The following SYN3 variants were observed in gnomAD, a reference collection of about 807,000 sequenced individuals.
SYN3 encodes synapsin III.
SYN3 carries 35 observed loss-of-function variants against 65.8 expected under a neutral mutation model. The ratio of observed to expected loss-of-function variants is 0.53; its 90% CI spans 0.41 to 0.70. The LOEUF is 0.70. Among genes scored for constraint, SYN3 ranks in the 30% least tolerant of loss-of-function variants. The pLI, the probability that SYN3 is intolerant of heterozygous loss-of-function variation, is 0.00. For synonymous variants in SYN3, 270 were observed against 292.9 expected, an observed-to-expected ratio of 0.92 and a Z score of 0.80; for missense variants, 680 against 749.0, an observed-to-expected ratio of 0.91 and a Z score of 1.08.
At chr22:32,669,584 A>G (rs2060333453) in intron 6 of SYN3, among the ~76,000 whole-genome samples, 2 of 152,240 alleles carry the variant, frequency 1.3e-5, no homozygotes, top group Non-Finnish European at 2.9e-5. Context: ...GTAAAAGAAG[A>G]GAGCGTAACA....
At chr22:32,869,241 A>G (rs562959635) in intron 4 of SYN3, 116 bp from the exon 5 acceptor site, 1 of 1,119,092 alleles carries the variant, frequency 8.9e-7, no homozygotes, top group Non-Finnish European at 1.3e-6. Flanking sequence ...CTTAGTTCAG[A>G]AGTGGGAGCA....
chr22:32,524,613 T>C (rs559959231), intron 12 of SYN3, among the ~76,000 whole-genome samples: 4 of 152,368 alleles, frequency 2.6e-5, no homozygotes, highest in East Asian at 3.9e-4. Flanking sequence ...ATAGTTCTGA[T>C]GGAGATGTAC....
At chr22:32,961,199 T>C (rs935710883) in intron 3 of SYN3, among the ~76,000 whole-genome samples, 2 of 152,172 alleles carry the variant, frequency 1.3e-5, no homozygotes, top group African/African-American at 4.8e-5. Flanking sequence ...ACCAAAAATG[T>C]CTCCAGGCAT....
intron 3 of SYN3, among the ~76,000 whole-genome samples, chr22:32,938,081 A>G (rs979647805): frequency 1.3e-5 from 2 of 152,226 alleles, no homozygotes; most frequent in Admixed American, 1.3e-4. Context: ...CAACTTATTA[A>G]AAACCAGTGG....
chr22:32,930,380 C>T (rs566741103), intron 4 of SYN3, among the ~76,000 whole-genome samples: 2 of 152,276 alleles, frequency 1.3e-5, no homozygotes, highest in South Asian at 4.2e-4. Flanking sequence ...CACCTTCCAC[C>T]GTGATTGTGA....
At chr22:33,026,333 T>C (rs2053640996) in intron 1 of SYN3, among the ~76,000 whole-genome samples, 1 of 152,136 alleles carries the variant, frequency 6.6e-6, no homozygotes, top group Non-Finnish European at 1.5e-5. Flanking sequence ...AAAATTCTGA[T>C]TGATACTCTC....
rs543402849 is a variant in SYN3 at position 32,826,343 on chromosome 22, C to T, written c.711+38572G>A. Among the ~76,000 whole-genome samples, 24 of 152,188 alleles carry T rather than the reference C, an allele frequency of 1.6e-4. 1 individual carries two copies. In the South Asian group the frequency reaches 4.2e-3, roughly 26 times the overall value. On this transcript the variant is annotated intron_variant, in intron 6 of 13. Transcript: ENST00000358763. ...ATTCAGGAGGCTGAGGCAGGAGAATCGCTTGAACCCGGGAGGCGGAGGTTG... is the reference window on the plus strand; with the variant it reads ...ATTCAGGAGGCTGAGGCAGGAGAATTGCTTGAACCCGGGAGGCGGAGGTTG...
intron 2 of SYN3, among the ~76,000 whole-genome samples, chr22:32,984,145 A>G (rs2052451734): frequency 6.7e-6 from 1 of 148,846 alleles, no homozygotes; most frequent in Non-Finnish European, 1.5e-5. Context: ...CTGGGCGACA[A>G]GAATGAAACT....
intron 1 of SYN3, among the ~76,000 whole-genome samples, chr22:33,017,319 T>C (rs748453791): frequency 6.6e-6 from 1 of 152,242 alleles, no homozygotes; most frequent in Admixed American, 6.5e-5. Flanking sequence ...AGATTTCAAG[T>C]GCCTCTAGCT....
At chr22:32,782,321 G>C (rs1482928902) in intron 6 of SYN3, among the ~76,000 whole-genome samples, 1 of 152,024 alleles carries the variant, frequency 6.6e-6, no homozygotes, top group Non-Finnish European at 1.5e-5. Flanking sequence ...ACCCACCTTG[G>C]CCTCCCAAAG....
intron 6 of SYN3, among the ~76,000 whole-genome samples, chr22:32,775,334 T>C (rs1340660652): frequency 3.3e-5 from 5 of 152,148 alleles, no homozygotes; most frequent in African/African-American, 9.7e-5. Context: ...ACAGCTGCAC[T>C]GGAGGTTGAG....
chr22:32,591,984 G>A (rs1463757139), intron 7 of SYN3, among the ~76,000 whole-genome samples: 4 of 152,220 alleles, frequency 2.6e-5, no homozygotes, highest in Admixed American at 2.6e-4. Flanking sequence ...GTTCAAGTAA[G>A]TGTTATTCTA....
chr22:32,973,164 C>T (rs2052073673), intron 3 of SYN3, among the ~76,000 whole-genome samples: 1 of 152,194 alleles, frequency 6.6e-6, no homozygotes, highest in Non-Finnish European at 1.5e-5. Context: ...AATCAATCCT[C>T]CTTGTTAAAT....
intron 6 of SYN3, among the ~76,000 whole-genome samples, chr22:32,864,008 A>G (rs1298043115): frequency 1.3e-5 from 2 of 152,160 alleles, no homozygotes; most frequent in Admixed American, 6.5e-5. Context: ...AAGATCATCA[A>G]TAGAAATTCT....
intron 6 of SYN3, among the ~76,000 whole-genome samples, chr22:32,603,553 A>T (rs1048622074): frequency 4.2e-5 from 6 of 142,068 alleles, no homozygotes; most frequent in African/African-American, 1.4e-4. Context: ...AAAAAAAAAG[A>T]AAGAAAGAAA....
rs149477626 is a variant in SYN3, at chr22:32,555,871, C to G, written c.775-14158G>C. Reference sequence around the variant, plus strand: ...GGGTCAAGGGGGATAAACTAAATCTCTGTTTTACCTCCCAGGAAATTCTTA... The same window carrying G: ...GGGTCAAGGGGGATAAACTAAATCTGTGTTTTACCTCCCAGGAAATTCTTA... On this transcript the variant is annotated intron_variant, in intron 7 of 13. Coordinates refer to ENST00000358763, the MANE Select transcript of SYN3 (RefSeq NM_003490.4). Among the ~76,000 whole-genome samples the G allele has an allele frequency of 4.4e-4, 67 of 152,276 alleles. 1 individual carries two copies. In the East Asian group the frequency reaches 6.6e-3, roughly 15 times the overall value.
intron 7 of SYN3, among the ~76,000 whole-genome samples, chr22:32,552,440 T>TC (rs2058431215): frequency 6.6e-6 from 1 of 150,886 alleles, no homozygotes; most frequent in Non-Finnish European, 1.5e-5. Context: ...TCTTTTTTTT[T>TC]TTTTTTAGTG....
intron 12 of SYN3, among the ~76,000 whole-genome samples, chr22:32,524,705 C>CA (rs1193036783): frequency 6.6e-6 from 1 of 152,130 alleles, no homozygotes; most frequent in Non-Finnish European, 1.5e-5. Flanking sequence ...AATCTGAGGT[C>CA]ATATTATTTT....
At chr22:32,709,041 C>T (rs572491799) in intron 6 of SYN3, among the ~76,000 whole-genome samples, 1 of 152,200 alleles carries the variant, frequency 6.6e-6, no homozygotes, top group Non-Finnish European at 1.5e-5. Context: ...CAAGCAGAGG[C>T]TAAGAGCACA....
Sources: gnomAD v4.1 joint callset for allele counts (sites outside exome capture counted in the v4.1 genomes callset) on GRCh38, gnomAD v4.1.1 for gene constraint, MANE v1.5 for transcripts, NCBI Gene and HGNC (gene_info 2026-07-23, HGNC 2026-07-21) for gene names.